THUMPD2: variants seen among roughly 807,000 people sequenced by gnomAD.
THUMPD2 encodes THUMP domain 2 tRNA and snRNA guanosine methyltransferase, also known as U6 snRNA (guanine-N(2))-methyltransferase THUMPD2.
In THUMPD2, 56 loss-of-function variants were observed where a neutral mutation model predicts 49.4. The observed-to-expected ratio is 1.13, with a 90% confidence interval of 0.91 to 1.41. THUMPD2 has a LOEUF of 1.41. Among genes scored for constraint, THUMPD2 ranks in the 40% most tolerant of loss-of-function variants. The probability of loss-of-function intolerance (pLI) is 0.00; values close to 1 mark genes in which losing one functional copy is unlikely to be tolerated. For synonymous variants in THUMPD2, 237 were observed against 205.2 expected, an observed-to-expected ratio of 1.15 and a Z score of -1.32; for missense variants, 709 against 594.5, an observed-to-expected ratio of 1.19 and a Z score of -2.00.
At chr2:39,761,669 T>C (rs1462036979) in intron 5 of THUMPD2, among the ~76,000 whole-genome samples, 1 of 152,176 alleles carries the variant, frequency 6.6e-6, no homozygotes, top group African/African-American at 2.4e-5. Flanking sequence ...TCTCACGTAT[T>C]TAATGTATAA....
At chr2:39,754,994 G>A (rs7599668) in intron 8 of THUMPD2, among the ~76,000 whole-genome samples, 312 of 152,078 alleles carry the variant, frequency 2.1e-3, no homozygotes, top group African/African-American at 7.3e-3. Context: ...TATTTTAAAC[G>A]ATCACTGGTT....
chr2:39,746,413 C>G (rs1203184793), intron 8 of THUMPD2, among the ~76,000 whole-genome samples: 1 of 152,132 alleles, frequency 6.6e-6, no homozygotes, highest in African/African-American at 2.4e-5. Flanking sequence ...AGATTGTTGT[C>G]CCCATCTCCG....
At chr2:39,753,607 A>C (rs1423660086) in intron 8 of THUMPD2, among the ~76,000 whole-genome samples, 1 of 152,132 alleles carries the variant, frequency 6.6e-6, no homozygotes, top group African/African-American at 2.4e-5. Context: ...ACAGGTCCTA[A>C]ACTCTAACTT....
intron 3 of THUMPD2, chr2:39,768,706 A>T (rs1033913110): frequency 4.2e-5 from 28 of 666,144 alleles, no homozygotes; most frequent in Non-Finnish European, 7.0e-5. Flanking sequence ...CCCCCAGTAC[A>T]CCCCATGGCA....
Position 39,768,474 on chromosome 2 carries a change from T to C in THUMPD2, c.700A>G (p.Ile234Val), listed in dbSNP as rs775374889. ...GCTTTCCATCCAAAGTGTTTCATAA[T>C]AGCAATTCCAATTACTTTTCCTACC... The part of the protein sequence containing the change: ...QEVGKVIGIA[I>V]MKHFGWKADL... Residue 234 changes from isoleucine (I) to valine (V), a missense_variant, in exon 4 of 10, where the codon ATT becomes GTT. Ile to Val is a conservative substitution (Grantham distance 29, BLOSUM62 3). Coordinates refer to ENST00000505747, the MANE Select transcript of THUMPD2 (RefSeq NM_025264.5). The C allele has an allele frequency of 1.2e-6, 2 of 1,612,712 alleles. No homozygotes were observed. The highest frequency in any genetic ancestry group is 2.2e-5 in the East Asian group (1 of 44,806).
intron 8 of THUMPD2, among the ~76,000 whole-genome samples, 168 bp downstream of exon 8, chr2:39,755,127 C>T (rs1297268757): frequency 6.6e-6 from 1 of 151,470 alleles, no homozygotes; most frequent in East Asian, 1.9e-4. Context: ...ATTATGAACA[C>T]TTTGAAAATA....
chr2:39,747,787 G>A (rs1341339389), intron 8 of THUMPD2, among the ~76,000 whole-genome samples: 2 of 152,086 alleles, frequency 1.3e-5, no homozygotes, highest in Non-Finnish European at 2.9e-5. Flanking sequence ...CCAGTTCACA[G>A]TCCCTCCATT....
At chr2:39,744,290 C>T (rs1420115463) in intron 9 of THUMPD2, 80 bp downstream of exon 9, 6 of 738,964 alleles carry the variant, frequency 8.1e-6, no homozygotes, top group Non-Finnish European at 6.3e-6. Context: ...AGCAATCAGA[C>T]CTTAACTGAA....
intron 9 of THUMPD2, among the ~76,000 whole-genome samples, chr2:39,743,909 A>G (rs1230868534): frequency 6.6e-6 from 1 of 152,186 alleles, no homozygotes; most frequent in Non-Finnish European, 1.5e-5. Context: ...TGCCCATTCT[A>G]TGTTATGGAA....
chr2:39,774,473 A>G (rs184898945), intron 1 of THUMPD2, among the ~76,000 whole-genome samples: 9 of 152,298 alleles, frequency 5.9e-5, no homozygotes, highest in Admixed American at 5.9e-4. Flanking sequence ...GCTTGAAGTC[A>G]CAGTTTCCAG....
At chr2:39,738,525 C>T (rs981760268) in intron 9 of THUMPD2, among the ~76,000 whole-genome samples, 1 of 151,728 alleles carries the variant, frequency 6.6e-6, no homozygotes, top group Non-Finnish European at 1.5e-5. Context: ...GATTGCACCA[C>T]TGCACTCTAG....
intron 1 of THUMPD2, among the ~76,000 whole-genome samples, chr2:39,773,260 T>C (rs1340553316): frequency 6.6e-6 from 1 of 152,126 alleles, no homozygotes; most frequent in Non-Finnish European, 1.5e-5. Context: ...AAGAATATAG[T>C]TGATACTAAA....
At chr2:39,778,972 C>T in intron 1 of THUMPD2, 142 bp downstream of exon 1, 2 of 1,118,154 alleles carry the variant, frequency 1.8e-6, no homozygotes, top group Non-Finnish European at 2.4e-6. Context: ...GAAGCGCCTG[C>T]CAGTCAACCT....
intron 1 of THUMPD2, among the ~76,000 whole-genome samples, chr2:39,774,926 T>G (rs1459528825): frequency 1.3e-5 from 2 of 152,204 alleles, no homozygotes; most frequent in Non-Finnish European, 1.5e-5. Context: ...CTAGCATATC[T>G]AAACAGCATT....
At position 39,768,439 on chromosome 2, in the gene THUMPD2, C is replaced by T. The variant is rs374603777; in HGVS notation, c.735G>A (p.Arg245=). 5.6e-6 allele frequency: 9 copies of T among 1,612,316 alleles called. No individual in the cohort carries two copies. Among genetic ancestry groups the T allele is most frequent in the African/African-American group, 2.7e-5 (2 of 74,860 alleles). Residue 245 remains arginine (R), a synonymous_variant, in exon 4 of 10, where the codon AGG becomes AGA. Coordinates refer to ENST00000505747, the MANE Select transcript of THUMPD2 (RefSeq NM_025264.5). ...MKHFGWKADL[R]NPQLEIFIHL... ...TACTCATTACCTCTAATTGTGGATT[C>T]CTCAAGTCTGCTTTCCATCCAAAGT...
At chr2:39,769,093 C>G (rs940249393) in intron 3 of THUMPD2, 4 of 1,304,094 alleles carry the variant, frequency 3.1e-6, no homozygotes, top group Non-Finnish European at 4.0e-6. Flanking sequence ...ATGTACAGGA[C>G]CTGTGCAGAG....
intron 8 of THUMPD2, among the ~76,000 whole-genome samples, chr2:39,752,282 T>C (rs1413093453): frequency 6.6e-6 from 1 of 152,084 alleles, no homozygotes; most frequent in Non-Finnish European, 1.5e-5. Context: ...ATATTACAGA[T>C]GAGAAAATAA....
At chr2:39,746,531 A>C (rs1674620179) in intron 8 of THUMPD2, among the ~76,000 whole-genome samples, 1 of 152,228 alleles carries the variant, frequency 6.6e-6, no homozygotes, top group African/African-American at 2.4e-5. Flanking sequence ...GCTTGTGAAC[A>C]AAAAATTTGC....
Position 39,736,660 on chromosome 2 carries a change from A to T in THUMPD2, c.*75T>A. The T allele has an allele frequency of 7.3e-7, 1 of 1,379,090 alleles. No homozygotes were observed. The highest frequency in any genetic ancestry group is 9.8e-7 in the Non-Finnish European group (1 of 1,025,156). The allele number at this position is 1,379,090 out of a possible 1,614,324, so 85.4% of individuals were successfully genotyped here. A position where few individuals can be genotyped will look rare whatever the true frequency, so the allele number is the denominator to read the frequency against. ...CTTGGAGCTCTGTGGGTGCTATATG[A>T]ATCCTAGAGACAGCAAACTTCTGCT... is the stretch of plus-strand genomic sequence containing the variant. On this transcript the variant is annotated 3_prime_UTR_variant, in exon 10 of 10. Coordinates refer to ENST00000505747, the MANE Select transcript of THUMPD2 (RefSeq NM_025264.5).
Sources: allele counts gnomAD v4.1 joint callset (sites outside exome capture counted in the v4.1 genomes callset), GRCh38; gene constraint gnomAD v4.1.1; transcripts MANE v1.5; gene names NCBI Gene and HGNC (gene_info 2026-07-23, HGNC 2026-07-21).